CAMK1D: variants seen among roughly 807,000 people sequenced by gnomAD.
CAMK1D encodes calcium/calmodulin dependent protein kinase ID.
In CAMK1D, 9 loss-of-function variants were observed where a neutral mutation model predicts 47.7. The observed-to-expected ratio is 0.19, with a 90% CI of 0.11 to 0.33. The LOEUF is 0.33. Ranked by LOEUF, CAMK1D falls within the 10% of genes least tolerant of loss-of-function variation. The pLI, the probability that CAMK1D is intolerant of heterozygous loss-of-function variation, is 1.00. For missense variants in CAMK1D, 291 were observed against 488.7 expected (o/e 0.60, Z 3.81); for synonymous variants, 184 against 184.9 (o/e 0.99, Z 0.04).
At chr10:12,480,112 G>T (rs1237137535) in intron 1 of CAMK1D, among the ~76,000 whole-genome samples, 1 of 152,052 alleles carries the variant, frequency 6.6e-6, no homozygotes, top group African/African-American at 2.4e-5. Flanking sequence ...CTGCTTGGCA[G>T]ATCCTTCCTG....
chr10:12,569,534 C>T (rs1031375001), intron 2 of CAMK1D, among the ~76,000 whole-genome samples: 1 of 146,578 alleles, frequency 6.8e-6, no homozygotes, highest in Non-Finnish European at 1.5e-5. Context: ...GACGGTGAAA[C>T]CCCATCTCTA....
chr10:12,564,333 C>A (rs764653160), intron 2 of CAMK1D, among the ~76,000 whole-genome samples: 10 of 151,436 alleles, frequency 6.6e-5, no homozygotes, highest in Non-Finnish European at 1.0e-4. Context: ...TTCTGTTAAG[C>A]TTTATGTTGT....
At chr10:12,700,460 C>T (rs556043582) in intron 3 of CAMK1D, among the ~76,000 whole-genome samples, 48 of 152,242 alleles carry the variant, frequency 3.2e-4, no homozygotes, top group Admixed American at 1.0e-3. Context: ...ATTCAACTAC[C>T]GCCCACTGGG....
At chr10:12,481,685 T>C (rs1834070355) in intron 1 of CAMK1D, among the ~76,000 whole-genome samples, 1 of 152,082 alleles carries the variant, frequency 6.6e-6, no homozygotes, top group Admixed American at 6.5e-5. Context: ...AATTTTTATA[T>C]TTTTAGTAGA....
intron 1 of CAMK1D, among the ~76,000 whole-genome samples, chr10:12,450,562 G>A (rs537841946): frequency 1.1e-4 from 16 of 152,314 alleles, no homozygotes; most frequent in Admixed American, 9.8e-4. Flanking sequence ...CTCCAGCTGG[G>A]CTTGGCTTGT....
At chr10:12,591,983 C>T (rs530381548) in intron 2 of CAMK1D, among the ~76,000 whole-genome samples, 18 of 152,348 alleles carry the variant, frequency 1.2e-4, no homozygotes, top group Non-Finnish European at 2.2e-4. Context: ...TGAGCCACCA[C>T]GCTCAGCTGT....
chr10:12,460,390 A>T (rs1373358245), intron 1 of CAMK1D, among the ~76,000 whole-genome samples: 1 of 151,766 alleles, frequency 6.6e-6, no homozygotes, highest in Non-Finnish European at 1.5e-5. Context: ...TCTCCCGAGT[A>T]GTTGGGACTA....
chr10:12,751,823 A>G (rs74118567), intron 3 of CAMK1D, among the ~76,000 whole-genome samples: 36,995 of 152,108 alleles, frequency 0.24, 4,921 homozygotes, highest in African/African-American at 0.36. Flanking sequence ...GGCTGGGGCC[A>G]TGCACCTTTG....
At chr10:12,740,380 C>T (rs1281665510) in intron 3 of CAMK1D, among the ~76,000 whole-genome samples, 1 of 152,164 alleles carries the variant, frequency 6.6e-6, no homozygotes, top group African/African-American at 2.4e-5. Context: ...AGGCGAATCA[C>T]CTGAGGGCAG....
At chr10:12,548,503 G>T (rs1277952402) in intron 1 of CAMK1D, among the ~76,000 whole-genome samples, 2 of 118,504 alleles carry the variant, frequency 1.7e-5, no homozygotes, top group African/African-American at 6.5e-5. Context: ...CTTGCTCTAT[G>T]GCCCAGGCTG....
intron 3 of CAMK1D, among the ~76,000 whole-genome samples, chr10:12,692,919 T>C (rs542518731): frequency 2.6e-5 from 4 of 152,320 alleles, no homozygotes; most frequent in African/African-American, 9.6e-5. Context: ...GCAAATTTTA[T>C]GTGAAAATGT....
intron 4 of CAMK1D, among the ~76,000 whole-genome samples, chr10:12,764,245 G>A (rs776672625): frequency 3.3e-5 from 5 of 152,102 alleles, no homozygotes; most frequent in Non-Finnish European, 5.9e-5. Flanking sequence ...GCCAGGTGTG[G>A]TGGCAGGTGC....
At chr10:12,431,618 A>T (rs1379618309) in intron 1 of CAMK1D, among the ~76,000 whole-genome samples, 1 of 152,146 alleles carries the variant, frequency 6.6e-6, no homozygotes, top group Non-Finnish European at 1.5e-5. Context: ...CACCTGAGGA[A>T]CCCAGGGTGG....
rs569883448 is a variant in CAMK1D at position 12,711,916 on chromosome 10, C to T, written c.299+45106C>T. On this transcript the variant is annotated intron_variant, in intron 3 of 10. Coordinates refer to ENST00000619168, the MANE Select transcript of CAMK1D (RefSeq NM_153498.4). ...CTTATATTTCTATTTAGATGTATAC[C>T]TCCCATAAAGGTAAAATGTTTTTCT... 2.6e-5 allele frequency among the ~76,000 whole-genome samples: 4 copies of T among 152,276 alleles called. No individual in the cohort carries two copies. The South Asian group carries it at 6.2e-4, about 24-fold the overall frequency.
rs1588980301 is a variant in CAMK1D at position 12,833,891 on chromosome 10, C to G, written c.*5004C>G. ...ACTTTGCCTTTTCCTTAAACACATT[C>G]CAGACCAAACACTGTTCAGTTTGTT... On this transcript the variant is annotated 3_prime_UTR_variant, in exon 11 of 11. Coordinates refer to ENST00000619168, the MANE Select transcript of CAMK1D (RefSeq NM_153498.4). The G allele has an allele frequency of 7.0e-6, 1 of 143,400 alleles. No homozygotes were observed. Among genetic ancestry groups the G allele is most frequent in the East Asian group, 2.0e-4 (1 of 4,914 alleles). The allele number at this position is 143,400 out of a possible 1,614,324, so 8.9% of individuals were successfully genotyped here. A position where few individuals can be genotyped will look rare whatever the true frequency, so the allele number is the denominator to read the frequency against.
intron 5 of CAMK1D, among the ~76,000 whole-genome samples, chr10:12,774,064 GC>G (rs1474599681): frequency 7.9e-6 from 1 of 127,084 alleles, no homozygotes; most frequent in Non-Finnish European, 1.6e-5. Flanking sequence ...GGGCACTGGT[GC>G]GGGGGGAGGG....
intron 1 of CAMK1D, among the ~76,000 whole-genome samples, chr10:12,487,163 C>T (rs996515426): frequency 1.6e-4 from 25 of 152,150 alleles, no homozygotes; most frequent in African/African-American, 5.8e-4. Context: ...GATCCCCTTC[C>T]TCCTCCCATC....
chr10:12,761,678 A>G (rs904574522), intron 4 of CAMK1D, among the ~76,000 whole-genome samples: 19 of 152,132 alleles, frequency 1.2e-4, no homozygotes, highest in African/African-American at 4.6e-4. Context: ...CATGAGGTTA[A>G]GAAATCAAGA....
intron 5 of CAMK1D, among the ~76,000 whole-genome samples, chr10:12,773,259 T>C (rs554068532): frequency 5.9e-5 from 9 of 152,362 alleles, no homozygotes; most frequent in South Asian, 2.1e-4. Context: ...CATGCATTTA[T>C]TGAGTTCCTG....
Sources: allele counts gnomAD v4.1 joint callset (sites outside exome capture counted in the v4.1 genomes callset), GRCh38; gene constraint gnomAD v4.1.1; transcripts MANE v1.5; gene names NCBI Gene and HGNC (gene_info 2026-07-23, HGNC 2026-07-21).